Variants in UMAD1 observed in about 807,000 individuals in gnomAD.
UMAD1 encodes the protein UBAP1-MVB12-associated (UMA) domain containing 1.
Under a neutral mutation model 6.1 loss-of-function variants are expected in UMAD1, and 8 were observed. That is an observed-to-expected ratio of 1.30 (90% CI 0.76 to 2.35). The LOEUF (loss-of-function observed/expected upper bound fraction) is 2.35, where lower values mean the gene tolerates loss of function less well. Ranked by LOEUF, UMAD1 falls within the 30% of genes most tolerant of loss-of-function variation. The pLI, the probability that UMAD1 is intolerant of heterozygous loss-of-function variation, is 0.00. For missense variants in UMAD1, 130 were observed against 78.4 expected (o/e 1.66, Z -2.49); for synonymous variants, 56 against 31.4 (o/e 1.78, Z -2.61).
At chr7:7,704,895 TA>T (rs1780560750) in intron 2 of UMAD1, among the ~76,000 whole-genome samples, 1 of 150,820 alleles carries the variant, frequency 6.6e-6, no homozygotes, top group Admixed American at 6.7e-5. Flanking sequence ...TTGGGTAAAG[TA>T]AAATAGGCCT....
At chr7:7,690,818 C>A (rs1780156340) in intron 2 of UMAD1, among the ~76,000 whole-genome samples, 1 of 152,160 alleles carries the variant, frequency 6.6e-6, no homozygotes, top group African/African-American at 2.4e-5. Context: ...AGCCTGTAGG[C>A]ATCTTTTCAT....
At chr7:7,758,845 ACT>A (rs774426438) in intron 2 of UMAD1, among the ~76,000 whole-genome samples, 88 of 151,580 alleles carry the variant, frequency 5.8e-4, no homozygotes, top group Non-Finnish European at 8.0e-4. Flanking sequence ...ATTTGTGGAC[ACT>A]CTCTCTCTCC....
chr7:7,877,028 A>G (rs1217089337), intron 3 of UMAD1, among the ~76,000 whole-genome samples: 1 of 152,240 alleles, frequency 6.6e-6, no homozygotes, highest in African/African-American at 2.4e-5. Context: ...AGCAAGGGAA[A>G]TAACAAGAAG....
At chr7:7,802,456 T>C (rs1782823011) in intron 3 of UMAD1, among the ~76,000 whole-genome samples, 1 of 152,252 alleles carries the variant, frequency 6.6e-6, no homozygotes, top group African/African-American at 2.4e-5. Context: ...GAAAGTATTC[T>C]GTAGAAAAAC....
At chr7:7,788,519 A>G (rs1006465796) in intron 2 of UMAD1, among the ~76,000 whole-genome samples, 1 of 152,158 alleles carries the variant, frequency 6.6e-6, no homozygotes, top group African/African-American at 2.4e-5. Context: ...ATTTTATAGT[A>G]TCATCCTATT....
chr7:7,754,679 G>A (rs1781741742), intron 2 of UMAD1, among the ~76,000 whole-genome samples: 2 of 152,058 alleles, frequency 1.3e-5, no homozygotes, highest in Admixed American at 6.5e-5. Flanking sequence ...TTTTAATTCA[G>A]TTTACATTTT....
intron 2 of UMAD1, among the ~76,000 whole-genome samples, chr7:7,747,982 T>A (rs546381989): frequency 5.9e-5 from 9 of 152,306 alleles, no homozygotes; most frequent in African/African-American, 1.7e-4. Context: ...TCTTGTTTTG[T>A]TTTGTTTACA....
rs544863087 is a variant in UMAD1, at chr7:7,709,958, C to T, written c.82+36505C>T. ...TTTAAATTCTGCTTTTTTGGGGTCT[C>T]TTTTTAAATAGTGTTAACATATTTT... is the stretch of plus-strand genomic sequence containing the variant. On this transcript the variant is annotated intron_variant, in intron 2 of 3. Coordinates refer to ENST00000682710, the MANE Select transcript of UMAD1 (RefSeq NM_001302348.2). Among the ~76,000 whole-genome samples the T allele has an allele frequency of 1.1e-3, 166 of 152,094 alleles. 1 individual carries two copies. Among genetic ancestry groups the T allele is most frequent in the African/African-American group, 3.8e-3 (156 of 41,508 alleles).
chr7:7,713,152 C>T (rs538776269), intron 2 of UMAD1, among the ~76,000 whole-genome samples: 1 of 151,702 alleles, frequency 6.6e-6, no homozygotes, highest in Non-Finnish European at 1.5e-5. Flanking sequence ...GCCTGACCAA[C>T]ATGGTGAAAC....
intron 2 of UMAD1, among the ~76,000 whole-genome samples, chr7:7,692,952 T>C (rs946890788): frequency 9.2e-5 from 14 of 152,180 alleles, no homozygotes; most frequent in Non-Finnish European, 1.5e-4. Flanking sequence ...ACCTTTTTGT[T>C]ATGTATATTT....
intron 2 of UMAD1, among the ~76,000 whole-genome samples, chr7:7,729,052 A>G (rs553902021): frequency 5.9e-5 from 9 of 152,254 alleles, no homozygotes; most frequent in South Asian, 2.1e-4. Context: ...TAAGGCTTCC[A>G]TAAGTACATA....
chr7:7,731,198 C>T (rs1250172336), intron 2 of UMAD1, among the ~76,000 whole-genome samples: 1 of 152,104 alleles, frequency 6.6e-6, no homozygotes, highest in Admixed American at 6.5e-5. Flanking sequence ...GGGGGGGTTC[C>T]ACCATGTTGG....
intron 3 of UMAD1, among the ~76,000 whole-genome samples, chr7:7,858,995 T>A (rs1227795965): frequency 6.6e-6 from 1 of 152,198 alleles, no homozygotes; most frequent in African/African-American, 2.4e-5. Flanking sequence ...ATATTTCTAA[T>A]GAAAATACCC....
intron 2 of UMAD1, among the ~76,000 whole-genome samples, chr7:7,724,422 A>AC (rs748579931): frequency 6.6e-6 from 1 of 152,160 alleles, no homozygotes; most frequent in African/African-American, 2.4e-5. Context: ...AGCTGGCAGA[A>AC]CCCCCACATT....
rs555601581 is a variant in UMAD1, at chr7:7,822,452, C to T, written c.156+20709C>T. 3.3e-3 allele frequency among the ~76,000 whole-genome samples: 495 copies of T among 151,916 alleles called. 1 individual carries two copies. Among genetic ancestry groups the T allele is most frequent in the African/African-American group, 0.011 (461 of 41,480 alleles). On this transcript the variant is annotated intron_variant, in intron 3 of 3. Coordinates refer to ENST00000682710, the MANE Select transcript of UMAD1 (RefSeq NM_001302348.2). ...CTTGGGCAATCTTTTGTATATCATG[C>T]AAAGGACCATACAATTAGCATGAAA...
chr7:7,794,904 T>C (rs1206199689), intron 2 of UMAD1, among the ~76,000 whole-genome samples: 3 of 152,216 alleles, frequency 2.0e-5, no homozygotes, highest in Non-Finnish European at 2.9e-5. Flanking sequence ...GGCTGTTACC[T>C]GAAGGCGTCA....
At chr7:7,797,196 C>G (rs1167369268) in intron 2 of UMAD1, among the ~76,000 whole-genome samples, 1 of 152,104 alleles carries the variant, frequency 6.6e-6, no homozygotes, top group Non-Finnish European at 1.5e-5. Flanking sequence ...AAATGCCAGA[C>G]TCTTAAACAA....
chr7:7,688,492 G>A (rs963193714), intron 2 of UMAD1, among the ~76,000 whole-genome samples: 2 of 152,078 alleles, frequency 1.3e-5, no homozygotes, highest in Non-Finnish European at 2.9e-5. Flanking sequence ...CCTCAGCCCC[G>A]TGTTTCCTCA....
At chr7:7,641,745 T>C (rs372961248) in intron 1 of UMAD1, 1 of 152,212 alleles carries the variant, frequency 6.6e-6, no homozygotes, top group African/African-American at 2.4e-5. Flanking sequence ...TTGGGTATTA[T>C]AACGTTGTGG....
Sources: gnomAD v4.1 joint callset for allele counts (sites outside exome capture counted in the v4.1 genomes callset) on GRCh38, gnomAD v4.1.1 for gene constraint, MANE v1.5 for transcripts, NCBI Gene and HGNC (gene_info 2026-07-23, HGNC 2026-07-21) for gene names.